The following ELF2 variants were observed in gnomAD, a reference collection of about 807,000 sequenced individuals.
ELF2 encodes E74 like ETS transcription factor 2, also known as ETS-related transcription factor Elf-2.
Under a neutral mutation model 54.8 loss-of-function variants are expected in ELF2, and 11 were observed. The observed-to-expected ratio is 0.20, with a 90% CI of 0.13 to 0.33. The LOEUF (loss-of-function observed/expected upper bound fraction) is 0.33, where lower values mean the gene tolerates loss of function less well. Ranked by LOEUF, ELF2 falls within the 10% of genes least tolerant of loss-of-function variation. The pLI is 1.00. For synonymous variants in ELF2, 203 were observed against 245.1 expected (o/e 0.83, Z 1.61); for missense variants, 513 against 703.0 (o/e 0.73, Z 3.06).
At chr4:139,093,602 C>T (rs551716213) in intron 4 of ELF2, among the ~76,000 whole-genome samples, 1 of 152,088 alleles carries the variant, frequency 6.6e-6, no homozygotes, top group African/African-American at 2.4e-5. Flanking sequence ...TATCCTCAAA[C>T]GACAAGACTT....
chr4:139,173,256 T>C (rs924781083), intron 1 of ELF2, among the ~76,000 whole-genome samples: 1 of 152,108 alleles, frequency 6.6e-6, no homozygotes, highest in Non-Finnish European at 1.5e-5. Flanking sequence ...ATACTCAAAA[T>C]GGATAATTTT....
chr4:139,152,578 G>A (rs1170427494), intron 1 of ELF2, among the ~76,000 whole-genome samples: 2 of 152,022 alleles, frequency 1.3e-5, no homozygotes, highest in Non-Finnish European at 2.9e-5. Flanking sequence ...CAATTCTCCT[G>A]CCTCAGCCAG....
intron 6 of ELF2, among the ~76,000 whole-genome samples, chr4:139,068,748 T>C (rs528100127): frequency 1.3e-5 from 2 of 152,324 alleles, no homozygotes; most frequent in East Asian, 3.9e-4. Context: ...AGCCTGAAAT[T>C]AGTTATATTC....
chr4:139,162,883 G>C (rs1741313835), intron 1 of ELF2, among the ~76,000 whole-genome samples: 1 of 152,038 alleles, frequency 6.6e-6, no homozygotes, highest in Non-Finnish European at 1.5e-5. Flanking sequence ...GATTACTTAA[G>C]GCCAGGAGTC....
chr4:139,130,695 AG>A (rs1737404099), intron 3 of ELF2, among the ~76,000 whole-genome samples: 1 of 152,250 alleles, frequency 6.6e-6, no homozygotes, highest in South Asian at 2.1e-4. Context: ...TGAGAGCAAG[AG>A]TTATATCGTA....
chr4:139,115,422 C>T, intron 4 of ELF2: 1 of 990,854 alleles, frequency 1.0e-6, no homozygotes, highest in Non-Finnish European at 1.2e-6. Context: ...CCCTGCGCCA[C>T]CGCCTCCGGG....
chr4:139,138,227 G>A (rs1048444785), intron 2 of ELF2, among the ~76,000 whole-genome samples: 2 of 152,060 alleles, frequency 1.3e-5, no homozygotes, highest in African/African-American at 4.8e-5. Flanking sequence ...GACCACCCTG[G>A]CCAACATGGT....
intron 1 of ELF2, among the ~76,000 whole-genome samples, chr4:139,153,710 A>T (rs772984099): frequency 1.3e-5 from 2 of 152,212 alleles, no homozygotes; most frequent in African/African-American, 2.4e-5. Flanking sequence ...AATATAAATT[A>T]AAAGCTTATC....
chr4:139,112,789 C>T (rs1449908967), intron 4 of ELF2, among the ~76,000 whole-genome samples: 1 of 151,864 alleles, frequency 6.6e-6, no homozygotes, highest in Non-Finnish European at 1.5e-5. Flanking sequence ...ACTAGTGTTT[C>T]TTTAAAAAGT....
chr4:139,148,675 T>G (rs34403653), intron 1 of ELF2, among the ~76,000 whole-genome samples: 1 of 152,054 alleles, frequency 6.6e-6, no homozygotes, highest in South Asian at 2.1e-4. Flanking sequence ...TTTACCATTG[T>G]GAATGCTATT....
chr4:139,115,374 T>C lies in ELF2; in HGVS notation c.238+9790A>G, dbSNP rs895554730. 3.1e-5 allele frequency: 33 copies of C among 1,068,912 alleles called. No individual in the cohort carries two copies. The African/African-American group carries it at 3.8e-4, about 12-fold the overall frequency. The allele number at this position is 1,068,912 out of a possible 1,614,324, so 66.2% of individuals were successfully genotyped here. A position where few individuals can be genotyped will look rare whatever the true frequency, so the allele number is the denominator to read the frequency against. Reference sequence around the variant, plus strand: ...CCCCCCGCGGTGCCGCTGTCCGCCATGGCGGCCGCCGGGGCCACGTGCGCG... The same window carrying C: ...CCCCCCGCGGTGCCGCTGTCCGCCACGGCGGCCGCCGGGGCCACGTGCGCG... On this transcript the variant is annotated intron_variant, in intron 4 of 9. Transcript: ENST00000686138.
intron 6 of ELF2, among the ~76,000 whole-genome samples, chr4:139,069,929 C>T (rs1247023803): frequency 2.0e-5 from 3 of 152,030 alleles, no homozygotes; most frequent in African/African-American, 7.3e-5. Flanking sequence ...TCATTGTAGC[C>T]TCCCAGGCTT....
intron 4 of ELF2, among the ~76,000 whole-genome samples, chr4:139,077,040 G>A (rs1262356876): frequency 1.3e-5 from 2 of 152,016 alleles, no homozygotes; most frequent in South Asian, 2.1e-4. Context: ...CTGACAAATC[G>A]TTGCTGACAT....
intron 4 of ELF2, among the ~76,000 whole-genome samples, chr4:139,079,780 C>G (rs1249773107): frequency 1.3e-5 from 2 of 152,200 alleles, no homozygotes; most frequent in Non-Finnish European, 2.9e-5. Flanking sequence ...GGAGTGGTGG[C>G]TCACGCCTGT....
chr4:139,156,930 A>T (rs1023682196), intron 1 of ELF2, among the ~76,000 whole-genome samples: 2 of 152,178 alleles, frequency 1.3e-5, no homozygotes, highest in African/African-American at 4.8e-5. Context: ...CACCACACCC[A>T]GCCTTAATCT....
intron 3 of ELF2, among the ~76,000 whole-genome samples, chr4:139,135,541 T>A (rs527443986): frequency 6.6e-6 from 1 of 152,196 alleles, no homozygotes; most frequent in South Asian, 2.1e-4. Context: ...AACTTCTCTA[T>A]CCAGCTCCAG....
chr4:139,125,026 T>C (rs1578865159), intron 4 of ELF2, 138 bp downstream of exon 4: 1 of 1,003,538 alleles, frequency 1.0e-6, no homozygotes, highest in African/African-American at 1.6e-5. Flanking sequence ...CCCTTAAACA[T>C]AGATGTTTCA....
At chr4:139,154,860 G>A (rs1235607775) in intron 1 of ELF2, among the ~76,000 whole-genome samples, 3 of 152,126 alleles carry the variant, frequency 2.0e-5, no homozygotes. Context: ...GGTATATTGT[G>A]TATTCAGTGA....
intron 3 of ELF2, chr4:139,137,096 T>C (rs1194200396): frequency 6.6e-6 from 1 of 152,522 alleles, no homozygotes; most frequent in Non-Finnish European, 1.5e-5. Context: ...CCAAATATGC[T>C]AATGATTCAA....
Sources: gnomAD v4.1 joint callset for allele counts (sites outside exome capture counted in the v4.1 genomes callset) on GRCh38, gnomAD v4.1.1 for gene constraint, MANE v1.5 for transcripts, NCBI Gene and HGNC (gene_info 2026-07-23, HGNC 2026-07-21) for gene names.